Variants in COL5A2 observed in about 807,000 individuals in gnomAD.
The protein encoded by COL5A2 is collagen type V alpha 2 chain.
A neutral mutation model predicts 208.2 loss-of-function variants in COL5A2; 23 were observed. That is an observed-to-expected ratio of 0.11 (90% CI 0.08 to 0.16). The LOEUF (loss-of-function observed/expected upper bound fraction) is 0.16. Among genes scored for constraint, COL5A2 ranks in the 10% least tolerant of loss-of-function variants. COL5A2 has a pLI of 1.00. For missense variants in COL5A2, 1,590 were observed against 1,956.4 expected (o/e 0.81, Z 3.53); for synonymous variants, 625 against 628.5 (o/e 0.99, Z 0.08).
rs1247474254 is a variant in COL5A2 at position 189,035,127 on chromosome 2, T to A, written c.4142A>T (p.Asn1381Ile). The A allele has an allele frequency of 6.2e-7, 1 of 1,613,888 alleles. No homozygotes were observed. The highest frequency in any genetic ancestry group is 1.7e-5 in the Admixed American group (1 of 59,996). ...QFAYGDHQSP[N>I]TAITQMTFLR... ...AAAAGTCATCTGAGTAATGGCTGTA[T>A]TAGGTGATTGGTGGTCTCCATAAGC... The change falls in exon 53 of 54, where the codon AAT (asparagine) becomes ATT (isoleucine). Residue 1381 changes from asparagine (N) to isoleucine (I), a missense_variant. Asn to Ile is a moderately radical substitution (Grantham distance 149, BLOSUM62 -3). Coordinates refer to ENST00000374866, the MANE Select transcript of COL5A2 (RefSeq NM_000393.5).
At chr2:189,050,958 T>G (rs1685774216) in intron 42 of COL5A2, among the ~76,000 whole-genome samples, 1 of 152,116 alleles carries the variant, frequency 6.6e-6, no homozygotes, top group Non-Finnish European at 1.5e-5. Context: ...TTTTTTCTTC[T>G]TTATAAAAAG....
chr2:189,137,103 C>A (rs1371681733), intron 1 of COL5A2, among the ~76,000 whole-genome samples: 1 of 152,058 alleles, frequency 6.6e-6, no homozygotes, highest in Non-Finnish European at 1.5e-5. Context: ...TTTCTTCGTT[C>A]GTGTTTATTC....
chr2:189,281,069 G>A, the COL5A2 span, among the ~76,000 whole-genome samples: 1 of 151,984 alleles, frequency 6.6e-6, no homozygotes, highest in Admixed American at 6.6e-5. Flanking sequence ...TTTGCACGTT[G>A]TGTGGTTAAT....
chr2:189,258,233 GAAGTT>G, the COL5A2 span, among the ~76,000 whole-genome samples: 1 of 152,170 alleles, frequency 6.6e-6, no homozygotes, highest in South Asian at 2.1e-4. Flanking sequence ...TTTATGTTGT[GAAGTT>G]AATTTCTGTC....
the COL5A2 span, among the ~76,000 whole-genome samples, chr2:189,269,687 C>T: frequency 6.6e-6 from 1 of 151,960 alleles, no homozygotes; most frequent in East Asian, 1.9e-4. Flanking sequence ...GGGCTGTTGG[C>T]CTGAAATGTT....
the COL5A2 span, among the ~76,000 whole-genome samples, chr2:189,368,408 G>T: frequency 1.3e-5 from 2 of 151,814 alleles, no homozygotes; most frequent in South Asian, 4.1e-4. Context: ...ACATACATCG[G>T]ATAGTAAATG....
At chr2:189,407,704 G>C in the COL5A2 span, among the ~76,000 whole-genome samples, 1 of 152,064 alleles carries the variant, frequency 6.6e-6, no homozygotes, top group African/African-American at 2.4e-5. Flanking sequence ...AATTTTAATG[G>C]AAATAGAATT....
At chr2:189,042,479 A>C (rs1442356150) in intron 49 of COL5A2, among the ~76,000 whole-genome samples, 3 of 152,212 alleles carry the variant, frequency 2.0e-5, no homozygotes, top group African/African-American at 7.2e-5. Context: ...CTAACAGAGG[A>C]ATATATCCAA....
intron 7 of COL5A2, among the ~76,000 whole-genome samples, chr2:189,091,526 G>C (rs941477466): frequency 2.0e-5 from 3 of 152,134 alleles, no homozygotes; most frequent in Non-Finnish European, 4.4e-5. Flanking sequence ...CTTGCTGAAA[G>C]GTCAGATGAT....
the COL5A2 span, among the ~76,000 whole-genome samples, chr2:189,414,964 G>A: frequency 0.53 from 80,291 of 151,830 alleles, 24,621 homozygotes; most frequent in East Asian, 0.69. Context: ...TAATAGGTGT[G>A]AACAAAAACA....
At chr2:189,287,511 T>TATA in the COL5A2 span, among the ~76,000 whole-genome samples, 1 of 152,116 alleles carries the variant, frequency 6.6e-6, no homozygotes, top group Admixed American at 6.6e-5. Context: ...GAGCTCCCAC[T>TATA]ATAATCCCAG....
At chr2:189,108,448 G>A (rs1040879087) in intron 2 of COL5A2, among the ~76,000 whole-genome samples, 7 of 151,764 alleles carry the variant, frequency 4.6e-5, no homozygotes, top group Non-Finnish European at 7.4e-5. Flanking sequence ...TTCTGACACT[G>A]GATACTGTGG....
chr2:189,130,823 C>T (rs1278725834), intron 1 of COL5A2, among the ~76,000 whole-genome samples: 1 of 151,868 alleles, frequency 6.6e-6, no homozygotes, highest in Non-Finnish European at 1.5e-5. Flanking sequence ...ATCACAAATG[C>T]TTAATATATT....
chr2:189,439,258 AT>A, the COL5A2 span, among the ~76,000 whole-genome samples: 1 of 152,124 alleles, frequency 6.6e-6, no homozygotes, highest in Admixed American at 6.5e-5. Flanking sequence ...TAACATACAG[AT>A]TTTGTTAACT....
the COL5A2 span, among the ~76,000 whole-genome samples, chr2:189,327,535 A>G: frequency 1.3e-5 from 2 of 152,214 alleles, no homozygotes; most frequent in East Asian, 3.9e-4. Context: ...GAGATGTGCA[A>G]CTAAAGAGAT....
chr2:189,066,494 G>A lies in COL5A2; in HGVS notation c.1459C>T (p.Pro487Ser), dbSNP rs778646109. The A allele has an allele frequency of 1.2e-6, 2 of 1,613,954 alleles. No individual in the cohort carries two copies. Among genetic ancestry groups the A allele is most frequent in the South Asian group, 2.2e-5 (2 of 91,070 alleles). The stretch of plus-strand genomic sequence containing the variant: ...CCTATCGGACCCTGAATACCATGTG[G>A]CCCCTGTTAAAAACAGAAGGACAGT... Reference protein sequence around the residue: ...GEAGPKGEPGPHGIQGPIGPP... With the variant: ...GEAGPKGEPGSHGIQGPIGPP... Residue 487 changes from proline to serine, a missense_variant, in exon 23 of 54, where the codon CCA becomes TCA. By Grantham distance (74) the Pro-to-Ser change is moderately conservative (BLOSUM62 -1). Transcript: ENST00000374866.
At chr2:189,342,214 A>G in the COL5A2 span, among the ~76,000 whole-genome samples, 1 of 143,528 alleles carries the variant, frequency 7.0e-6, no homozygotes, top group South Asian at 2.2e-4. Context: ...TTTTTTTTGG[A>G]GACTTGACAA....
chr2:189,284,310 G>A, the COL5A2 span, among the ~76,000 whole-genome samples: 163 of 152,150 alleles, frequency 1.1e-3, no homozygotes, highest in African/African-American at 3.6e-3. Flanking sequence ...CTCAAACTGC[G>A]ATCAAGAACT....
intron 47 of COL5A2, 31 bp downstream of exon 47, chr2:189,045,147 CA>C (rs1455874307): frequency 3.9e-6 from 6 of 1,533,484 alleles, no homozygotes; most frequent in Admixed American, 1.8e-5. Flanking sequence ...TATAAGAAAA[CA>C]TTTTTTAAAA....
Sources: gnomAD v4.1 joint callset for allele counts (sites outside exome capture counted in the v4.1 genomes callset) on GRCh38, gnomAD v4.1.1 for gene constraint, MANE v1.5 for transcripts, NCBI Gene and HGNC (gene_info 2026-07-23, HGNC 2026-07-21) for gene names.